DEAF1: variants seen among roughly 807,000 people sequenced by gnomAD.
DEAF1 encodes deformed epidermal autoregulatory factor 1 homolog.
A neutral mutation model predicts 58.9 loss-of-function variants in DEAF1; 53 were observed. That is an observed-to-expected ratio of 0.90 (90% confidence interval 0.72 to 1.13). The LOEUF (loss-of-function observed/expected upper bound fraction) is 1.13. DEAF1 is among the 50% of genes most tolerant of loss of function. DEAF1 has a pLI of 0.00. For synonymous variants in DEAF1, 385 were observed against 340.4 expected, an observed-to-expected ratio of 1.13 and a Z score of -1.44; for missense variants, 685 against 791.4, an observed-to-expected ratio of 0.87 and a Z score of 1.61.
chr11:654,348 G>C (rs1000857004), intron 10 of DEAF1, among the ~76,000 whole-genome samples: 4 of 150,904 alleles, frequency 2.7e-5, no homozygotes, highest in African/African-American at 9.9e-5. Context: ...TGTATTTTTA[G>C]TAGAGACAGG....
intron 10 of DEAF1, among the ~76,000 whole-genome samples, chr11:668,626 C>T (rs780422823): frequency 6.6e-6 from 1 of 152,062 alleles, no homozygotes; most frequent in Admixed American, 6.6e-5. Flanking sequence ...AGTTTGAGAT[C>T]AGCCTGGCAA....
intron 1 of DEAF1, chr11:702,934 C>T: frequency 6.3e-7 from 1 of 1,599,000 alleles, no homozygotes; most frequent in African/African-American, 1.3e-5. Context: ...CCCCTTTGCT[C>T]TGTTCTCCAG....
intron 8 of DEAF1, 28 bp from the exon 9 acceptor site, chr11:678,850 C>A: frequency 6.2e-7 from 1 of 1,612,618 alleles, no homozygotes; most frequent in South Asian, 1.1e-5. Context: ...GACAGGGAGG[C>A]TCGGGATGGT....
At chr11:704,758 C>A in intron 1 of DEAF1, 1 of 764,514 alleles carries the variant, frequency 1.3e-6, no homozygotes, top group Non-Finnish European at 1.9e-6. Flanking sequence ...GAGAGGCCAG[C>A]CTGGACTGTC....
In DEAF1 at chr11:688,175, T is replaced by C; in HGVS notation, c.518-118A>G. The C allele has an allele frequency of 1.3e-6, 2 of 1,543,670 alleles. No homozygotes were observed. The highest frequency in any genetic ancestry group is 8.8e-7 in the Non-Finnish European group (1 of 1,134,178). On this transcript the variant is annotated intron_variant, in intron 3 of 11. Transcript: ENST00000382409. The surrounding 1 kb of genome is among the most constrained non-coding windows in gnomAD (Gnocchi z 4.3). ...CTCCTTCAACGGCGGAAAAACTTCT[T>C]GGTCAGGAAAATTCCAATGCTTTTA...
chr11:702,608 CTTGGAA>C (rs1352432118), intron 1 of DEAF1, among the ~76,000 whole-genome samples: 1 of 152,276 alleles, frequency 6.6e-6, no homozygotes, highest in Non-Finnish European at 1.5e-5. Flanking sequence ...TTCAGTTCCA[CTTGGAA>C]TTAGGAAAAC....
chr11:665,082 T>TAA (rs2133330918), intron 10 of DEAF1, among the ~76,000 whole-genome samples: 1 of 124,058 alleles, frequency 8.1e-6, no homozygotes, highest in Admixed American at 8.2e-5. Flanking sequence ...TCGGTCACTC[T>TAA]GAGTCCTGGC....
At chr11:645,464 A>C (rs1182387351) in intron 11 of DEAF1, among the ~76,000 whole-genome samples, 2 of 151,980 alleles carry the variant, frequency 1.3e-5, no homozygotes, top group Non-Finnish European at 2.9e-5. Flanking sequence ...TTACAGGTGC[A>C]CGCCACCACA....
chr11:701,656 A>G (rs183249063), intron 1 of DEAF1, among the ~76,000 whole-genome samples: 2,061 of 151,030 alleles, frequency 0.014, 40 homozygotes, highest in African/African-American at 0.046. Context: ...TGATCCGCCC[A>G]CCTCGGCCTC....
rs752675422 is a variant in DEAF1 at position 654,042 on chromosome 11, C to T, written c.1513G>A (p.Val505Ile). The T allele has an allele frequency of 1.9e-5, 31 of 1,613,196 alleles. No homozygotes were observed. Among genetic ancestry groups the T allele is most frequent in the Middle Eastern group, 1.6e-4 (1 of 6,062 alleles). The change falls in exon 11 of 12, where the codon GTT (valine) becomes ATT (isoleucine). Residue 505 changes from valine (V) to isoleucine (I), a missense_variant. Around this residue, in one of 3 missense-constraint regions of DEAF1, gnomAD observed 343 missense variants for 379.8 expected, o/e 0.90. Transcript: ENST00000382409. Reference sequence around the variant, plus strand: ...CTCATAGCCTCCCGGCCGCAGTTAACGCAGGACTGCTGCAAGAAGGACACA... The same window carrying T: ...CTCATAGCCTCCCGGCCGCAGTTAATGCAGGACTGCTGCAAGAAGGACACA... ...ADAERKEQSC[V>I]NCGREAMSEC...
chr11:662,782 C>T (rs1252117471), intron 10 of DEAF1, among the ~76,000 whole-genome samples: 1 of 152,178 alleles, frequency 6.6e-6, no homozygotes, highest in African/African-American at 2.4e-5. Flanking sequence ...TCCAAGTGAC[C>T]ACCACCTTTG....
intron 6 of DEAF1, among the ~76,000 whole-genome samples, chr11:681,560 G>A (rs989614029): frequency 2.6e-5 from 4 of 151,874 alleles, no homozygotes; most frequent in Admixed American, 6.6e-5. Flanking sequence ...ACAGGCGCCC[G>A]CCACCAAGCC....
intron 10 of DEAF1, among the ~76,000 whole-genome samples, chr11:673,694 C>T (rs138344947): frequency 2.6e-5 from 4 of 152,270 alleles, no homozygotes; most frequent in African/African-American, 9.6e-5. Flanking sequence ...TTTCCTGTGG[C>T]CTTCAGAGCT....
At chr11:701,298 G>A (rs1278184383) in intron 1 of DEAF1, among the ~76,000 whole-genome samples, 1 of 151,736 alleles carries the variant, frequency 6.6e-6, no homozygotes, top group Admixed American at 6.6e-5. Context: ...TCCTGCCTCA[G>A]CCCTCCCCTC....
In DEAF1 at chr11:703,087, C is replaced by T. The variant is rs560710224; in HGVS notation, c.-438+3485G>A. 1.4e-5 allele frequency: 23 copies of T among 1,612,180 alleles called. No homozygotes were observed. The South Asian group carries it at 1.9e-4, about 13-fold the overall frequency. On this transcript the variant is annotated intron_variant, in intron 1 of 11. Transcript: ENST00000683307. ...CGGACTGGGCCCTCAGCGCCACGCT[C>T]CTGGCCCTTCACGGCCTGGAGGCCG...
chr11:678,441 T>C (rs1860178442), intron 9 of DEAF1: 2 of 441,138 alleles, frequency 4.5e-6, no homozygotes, highest in Admixed American at 6.7e-5. Context: ...GGCCAACTGG[T>C]TTCTAGGGGC....
intron 10 of DEAF1, among the ~76,000 whole-genome samples, chr11:670,778 T>G (rs916303813): frequency 2.4e-4 from 3 of 12,546 alleles, no homozygotes; most frequent in South Asian, 2.5e-3. Context: ...TTTGTTTTTG[T>G]TTTTTTTTTT....
At chr11:692,437 C>T (rs999909983) in intron 1 of DEAF1, 1 of 154,494 alleles carries the variant, frequency 6.5e-6, no homozygotes, top group Non-Finnish European at 1.4e-5. Flanking sequence ...CTTCTGTCAC[C>T]CAGAGTTCTA....
chr11:650,968 AT>A (rs568964930), intron 11 of DEAF1, among the ~76,000 whole-genome samples: 100 of 147,258 alleles, frequency 6.8e-4, no homozygotes, highest in African/African-American at 1.8e-3. Flanking sequence ...AGAAAAGGTA[AT>A]TTTTTTTTTT....
Sources: allele counts gnomAD v4.1 joint callset (sites outside exome capture counted in the v4.1 genomes callset), GRCh38; gene constraint gnomAD v4.1.1; regional missense constraint gnomAD v4.1.1; non-coding constraint Gnocchi (gnomAD v3.1); transcripts MANE v1.5; gene names NCBI Gene and HGNC (gene_info 2026-07-23, HGNC 2026-07-21).